RANBP2: variants seen among roughly 807,000 people sequenced by gnomAD.
The protein encoded by RANBP2 is RAN binding protein 2.
Under a neutral mutation model 303.6 loss-of-function variants are expected in RANBP2, and 57 were observed. The ratio of observed to expected loss-of-function variants is 0.19; its 90% CI spans 0.15 to 0.23. The LOEUF (loss-of-function observed/expected upper bound fraction) is 0.23. RANBP2 is among the 10% of genes least tolerant of loss of function. The pLI, the probability that RANBP2 is intolerant of heterozygous loss-of-function variation, is 1.00. For synonymous variants in RANBP2, 1,167 were observed against 1,301.5 expected, an observed-to-expected ratio of 0.90 and a Z score of 2.23; for missense variants, 3,138 against 3,780.8, an observed-to-expected ratio of 0.83 and a Z score of 4.46.
the RANBP2 span, among the ~76,000 whole-genome samples, chr2:109,227,938 C>A: frequency 6.6e-6 from 1 of 152,214 alleles, no homozygotes; most frequent in East Asian, 1.9e-4. Context: ...GTTTCCCAAA[C>A]AAACGTGCAT....
At chr2:109,599,048 T>C in the RANBP2 span, among the ~76,000 whole-genome samples, 1 of 152,152 alleles carries the variant, frequency 6.6e-6, no homozygotes, top group African/African-American at 2.4e-5. Flanking sequence ...TAAAATAAAG[T>C]TACAGGTTAA....
At chr2:109,070,173 A>G in the RANBP2 span, among the ~76,000 whole-genome samples, 156 of 152,220 alleles carry the variant, frequency 1.0e-3, 2 homozygotes, top group East Asian at 5.6e-3. Flanking sequence ...GAGCAGAGTG[A>G]GTGAGGGGGA....
At chr2:109,664,283 C>A in the RANBP2 span, among the ~76,000 whole-genome samples, 21 of 152,288 alleles carry the variant, frequency 1.4e-4, no homozygotes, top group South Asian at 4.1e-3. Context: ...CCAGAAATAA[C>A]CTTTATGAAT....
the RANBP2 span, chr2:109,614,489 G>A: frequency 6.5e-6 from 8 of 1,239,312 alleles, no homozygotes; most frequent in Non-Finnish European, 8.0e-6. Context: ...CGCGGTCGAG[G>A]ATGGAGGGGC....
At chr2:109,661,875 C>T in the RANBP2 span, among the ~76,000 whole-genome samples, 1 of 152,204 alleles carries the variant, frequency 6.6e-6, no homozygotes. Context: ...CACCCAGATG[C>T]CCAGCTACAA....
chr2:108,811,247 C>CTTTT, the RANBP2 span, among the ~76,000 whole-genome samples: 67 of 113,892 alleles, frequency 5.9e-4, 1 homozygote, highest in African/African-American at 2.1e-3. Context: ...TTCTCTCTCT[C>CTTTT]TTTTTTTTTT....
At chr2:108,741,811 CTTT>C (rs397872027) in intron 7 of RANBP2, among the ~76,000 whole-genome samples, 28,924 of 108,526 alleles carry the variant, frequency 0.27, 3,626 homozygotes, top group South Asian at 0.35. Context: ...CACACCCAGC[CTTT>C]TTTTTTTTTT....
the RANBP2 span, among the ~76,000 whole-genome samples, chr2:109,659,409 T>A: frequency 6.6e-6 from 1 of 152,042 alleles, no homozygotes; most frequent in Non-Finnish European, 1.5e-5. Flanking sequence ...AAAACAAAAC[T>A]CAAATAACAG....
At chr2:108,892,216 G>C in the RANBP2 span, among the ~76,000 whole-genome samples, 1 of 152,204 alleles carries the variant, frequency 6.6e-6, no homozygotes, top group South Asian at 2.1e-4. Context: ...CACAGTCCCA[G>C]TGGGGCTTGC....
chr2:108,966,442 G>A, the RANBP2 span, among the ~76,000 whole-genome samples: 2 of 152,198 alleles, frequency 1.3e-5, no homozygotes, highest in Non-Finnish European at 2.9e-5. Flanking sequence ...CTCCTCACAG[G>A]GCACAGGAAG....
At chr2:109,238,486 TGTGTGTGTGTGTGA>T in the RANBP2 span, among the ~76,000 whole-genome samples, 4 of 138,904 alleles carry the variant, frequency 2.9e-5, no homozygotes, top group African/African-American at 1.2e-4. Context: ...TGTGTGTGTG[TGTGTGTGTGTGTGA>T]GAGTGAGACA....
the RANBP2 span, among the ~76,000 whole-genome samples, chr2:108,899,874 T>C: frequency 6.6e-6 from 1 of 151,986 alleles, no homozygotes; most frequent in Non-Finnish European, 1.5e-5. Flanking sequence ...TAATCCCAGC[T>C]ACTCGGGAGG....
the RANBP2 span, among the ~76,000 whole-genome samples, chr2:109,466,973 G>C: frequency 5.9e-5 from 9 of 152,148 alleles, no homozygotes; most frequent in Non-Finnish European, 1.5e-5. Context: ...GTGTGTGTAT[G>C]TCTTCATACT....
At chr2:109,140,228 G>T in the RANBP2 span, among the ~76,000 whole-genome samples, 1 of 152,318 alleles carries the variant, frequency 6.6e-6, no homozygotes, top group South Asian at 2.1e-4. Context: ...GCATGTGGTT[G>T]ACGCACGTGT....
chr2:109,520,150 T>C, the RANBP2 span, among the ~76,000 whole-genome samples: 4,253 of 152,302 alleles, frequency 0.028, 220 homozygotes, highest in African/African-American at 0.097. Flanking sequence ...GGGGAAAATT[T>C]AGTGAAGGAT....
the RANBP2 span, among the ~76,000 whole-genome samples, chr2:109,760,103 T>C: frequency 1.5e-5 from 2 of 136,712 alleles, no homozygotes; most frequent in Non-Finnish European, 1.6e-5. Flanking sequence ...CTGAATCTAA[T>C]TAATGTCATA....
chr2:109,486,807 C>T, the RANBP2 span, among the ~76,000 whole-genome samples: 10 of 152,310 alleles, frequency 6.6e-5, no homozygotes, highest in South Asian at 2.1e-4. Context: ...CCCAGCAGGG[C>T]GACAGCAGCC....
chr2:109,103,535 G>C, the RANBP2 span, among the ~76,000 whole-genome samples: 1 of 152,228 alleles, frequency 6.6e-6, no homozygotes, highest in Non-Finnish European at 1.5e-5. Context: ...TCAGCAGTTG[G>C]TTGAAAGAGT....
the RANBP2 span, among the ~76,000 whole-genome samples, chr2:109,230,130 T>G: frequency 2.3e-3 from 346 of 152,306 alleles, 3 homozygotes; most frequent in African/African-American, 6.8e-3. Flanking sequence ...GGCCGATTTT[T>G]TTTTTCTTCT....
Sources: gnomAD v4.1 joint callset for allele counts (sites outside exome capture counted in the v4.1 genomes callset) on GRCh38, gnomAD v4.1.1 for gene constraint, MANE v1.5 for transcripts, NCBI Gene and HGNC (gene_info 2026-07-23, HGNC 2026-07-21) for gene names.